ANKRD36: variants seen among roughly 807,000 people sequenced by gnomAD.
The protein encoded by ANKRD36 is ankyrin repeat domain-containing protein 36A.
A neutral mutation model predicts 278.1 loss-of-function variants in ANKRD36; 179 were observed. That is an observed-to-expected ratio of 0.64 (90% CI 0.57 to 0.73). The LOEUF is 0.73. Ranked by LOEUF, ANKRD36 falls within the 30% of genes least tolerant of loss-of-function variation. The pLI is 0.00. For synonymous variants in ANKRD36, 320 were observed against 641.1 expected, an observed-to-expected ratio of 0.50 and a Z score of 7.57; for missense variants, 1,159 against 1,956.7, an observed-to-expected ratio of 0.59 and a Z score of 7.69.
intron 44 of ANKRD36, among the ~76,000 whole-genome samples, chr2:97,199,818 G>C (rs1298330204): frequency 3.9e-5 from 6 of 151,902 alleles, no homozygotes; most frequent in Non-Finnish European, 8.8e-5. Context: ...ATCAATTCAG[G>C]ACACTTGCAC....
chr2:97,179,789 G>A (rs1212788835), intron 23 of ANKRD36, 23 bp downstream of exon 23: 31 of 1,595,642 alleles, frequency 1.9e-5, no homozygotes, highest in African/African-American at 4.0e-5. Context: ...TCATTTATAT[G>A]TTGAACTATT....
rs536292615 is a variant in ANKRD36, at chr2:97,233,500, C to G, written c.3952-230C>G. The stretch of plus-strand genomic sequence containing the variant: ...TCTTTGTTCCTTAATTAACCCAAGT[C>G]TCTCTGTCAGTTTTCTAAATAGCAC... On this transcript the variant is annotated intron_variant, in intron 67 of 75. Coordinates refer to ENST00000420699, the MANE Select transcript of ANKRD36 (RefSeq NM_001354587.1). Among the ~76,000 whole-genome samples, 20 of 152,108 alleles carry G rather than the reference C, an allele frequency of 1.3e-4. 2 individuals carry two copies. The East Asian group carries it at 3.5e-3, about 27-fold the overall frequency.
At chr2:97,207,492 A>G (rs1397917076) in intron 52 of ANKRD36, among the ~76,000 whole-genome samples, 1 of 151,510 alleles carries the variant, frequency 6.6e-6, no homozygotes, top group East Asian at 1.9e-4. Flanking sequence ...CAGGTGTATG[A>G]GTTGCTCCTC....
At chr2:97,198,352 C>G (rs376040297) in intron 42 of ANKRD36, 111 bp from the exon 43 acceptor site, 1 of 1,534,428 alleles carries the variant, frequency 6.5e-7, no homozygotes, top group Admixed American at 2.0e-5. Flanking sequence ...GCCATCAAAG[C>G]GTACACTAAT....
chr2:97,154,717 G>T lies in ANKRD36; in HGVS notation c.1236G>T (p.Lys412Asn). ...ACCGTTTTGCACAGCCTGTGACAAAGGATAAGTTTGCTTTGGAATCTGAGG... is the reference window on the plus strand; with the variant it reads ...ACCGTTTTGCACAGCCTGTGACAAATGATAAGTTTGCTTTGGAATCTGAGG... ...LLDRFAQPVT[K>N]DKFALESENI... Residue 412 changes from lysine to asparagine, a missense_variant, in exon 15 of 76, where the codon AAG (lysine) becomes AAT (asparagine). By Grantham distance (94) the Lys-to-Asn change is moderately conservative. Transcript: ENST00000420699. 1 of 1,488,318 alleles carries T rather than the reference G, an allele frequency of 6.7e-7. No homozygotes were observed. The allele number at this position is 1,488,318 out of a possible 1,614,324, so 92.2% of individuals were successfully genotyped here. A position where few individuals can be genotyped will look rare whatever the true frequency, so the allele number is the denominator to read the frequency against.
intron 32 of ANKRD36, 103 bp downstream of exon 32, chr2:97,187,504 G>T (rs926800968): frequency 2.9e-6 from 4 of 1,371,772 alleles, no homozygotes; most frequent in African/African-American, 1.5e-5. Context: ...GCTCGCCGAA[G>T]CTGCACATTC....
rs1450512806 is a variant in ANKRD36, at chr2:97,205,969, G to A, written c.3090+1G>A. The A allele has an allele frequency of 1.3e-6, 2 of 1,555,538 alleles. No individual in the cohort carries two copies. Among genetic ancestry groups the A allele is most frequent in the East Asian group, 2.4e-5 (1 of 42,240 alleles). On this transcript the variant is annotated splice_donor_variant, in intron 51 of 75. Transcript: ENST00000420699. LOFTEE classifies it high-confidence loss of function. ...TTCTCAGAAACCACCAACCTTGAAG[G>A]TAATGAAACTCCCATTTATATTGTG...
chr2:97,225,785 C>G (rs1299906898), intron 67 of ANKRD36, among the ~76,000 whole-genome samples: 35 of 149,550 alleles, frequency 2.3e-4, no homozygotes, highest in African/African-American at 7.9e-4. Context: ...CTCCCCCAAC[C>G]CCACAACAGT....
intron 48 of ANKRD36, 145 bp from the exon 49 acceptor site, chr2:97,203,923 C>T: frequency 7.5e-7 from 1 of 1,334,092 alleles, no homozygotes; most frequent in Non-Finnish European, 1.0e-6. Context: ...CTGTCACGTT[C>T]TAATCCCCAG....
chr2:97,144,238 G>A (rs1391683698), intron 8 of ANKRD36, among the ~76,000 whole-genome samples: 1 of 152,162 alleles, frequency 6.6e-6, no homozygotes, highest in Admixed American at 6.6e-5. Flanking sequence ...CTCATCACTC[G>A]GCATATCCAC....
At chr2:97,211,435 C>G in intron 56 of ANKRD36, 111 bp from the exon 57 acceptor site, 1 of 1,493,452 alleles carries the variant, frequency 6.7e-7, no homozygotes, top group East Asian at 2.5e-5. Flanking sequence ...GCCGTCAAGG[C>G]CTACACTAAT....
At chr2:97,180,971 C>T (rs899444068) in intron 24 of ANKRD36, among the ~76,000 whole-genome samples, 5 of 151,624 alleles carry the variant, frequency 3.3e-5, no homozygotes, top group African/African-American at 1.2e-4. Flanking sequence ...GATGAAGAAA[C>T]TTTCAGAAGG....
chr2:97,154,674 G>T lies in ANKRD36; in HGVS notation c.1194-1G>T, dbSNP rs2047022181. 2 of 1,485,104 alleles carry T rather than the reference G, an allele frequency of 1.3e-6. 1 individual carries two copies. Among genetic ancestry groups the T allele is most frequent in the Non-Finnish European group, 1.8e-6 (2 of 1,104,664 alleles). 92.0% of individuals were successfully genotyped at this position (1,485,104 alleles called of 1,614,324 possible). A position where few individuals can be genotyped will look rare whatever the true frequency, so the allele number is the denominator to read the frequency against. On this transcript the variant is annotated splice_acceptor_variant, in intron 14 of 75. Coordinates refer to ENST00000420699, the MANE Select transcript of ANKRD36 (RefSeq NM_001354587.1). LOFTEE classifies it high-confidence loss of function. The stretch of plus-strand genomic sequence containing the variant: ...TTTTGTAATATCTTTTTGCTCTGTA[G>T]GTGTCTCTACCTACTGGACCGTTTT...
In ANKRD36 at chr2:97,149,355, A is replaced by C. The variant is rs1315591032; in HGVS notation, c.1095A>C (p.Glu365Asp). The C allele has an allele frequency of 6.5e-7, 1 of 1,532,786 alleles. No homozygotes were observed. Among genetic ancestry groups the C allele is most frequent in the African/African-American group, 1.4e-5 (1 of 72,890 alleles). The allele number at this position is 1,532,786 out of a possible 1,614,324, so 94.9% of individuals were successfully genotyped here. The stretch of plus-strand genomic sequence containing the variant: ...TGACAGAGAATGAGTTTTCTTTGGA[A>C]TCTGAGGTAGAGTACTCTCTTGTGA... ...QPVTENEFSL[E>D]SEIISKLYIP... is the part of the protein sequence containing the mutation. Residue 365 changes from glutamate (E) to aspartate (D), a missense_variant, in exon 12 of 76, where the codon GAA (glutamate) becomes GAC (aspartate). Physicochemically the swap from Glu to Asp is conservative, Grantham distance 45. Coordinates refer to ENST00000420699, the MANE Select transcript of ANKRD36 (RefSeq NM_001354587.1).
At chr2:97,222,906 G>C (rs1479220358) in intron 66 of ANKRD36, among the ~76,000 whole-genome samples, 3 of 152,014 alleles carry the variant, frequency 2.0e-5, no homozygotes, top group Non-Finnish European at 4.4e-5. Flanking sequence ...GTGCCTTAGA[G>C]ATTAGCATGG....
intron 50 of ANKRD36, among the ~76,000 whole-genome samples, chr2:97,204,540 G>A (rs1472101122): frequency 2.0e-5 from 3 of 151,306 alleles, no homozygotes; most frequent in East Asian, 2.0e-4. Flanking sequence ...ACATAATTTT[G>A]CTTTAATTCT....
At position 97,189,140 on chromosome 2, in the gene ANKRD36, T is replaced by G; in HGVS notation, c.2172+25T>G. On this transcript the variant is annotated intron_variant, in intron 33 of 75. Transcript: ENST00000420699. ...GGTAATTAAACTCTCGTTTACATTG[T>G]GAACTAGTAATTCTATAGTCTATGA... is the stretch of plus-strand genomic sequence containing the variant. The G allele has an allele frequency of 7.9e-6, 6 of 757,348 alleles. 2 individuals carry two copies. The highest frequency in any genetic ancestry group is 7.6e-5 in the South Asian group (6 of 78,654). 46.9% of individuals were successfully genotyped at this position (757,348 alleles called of 1,614,324 possible).
Position 97,136,717 on chromosome 2 carries a change from A to C in ANKRD36, c.800-5923A>C, listed in dbSNP as rs2041603937. 2.0e-5 allele frequency among the ~76,000 whole-genome samples: 3 copies of C among 151,854 alleles called. No individual in the cohort carries two copies. In the South Asian group the frequency reaches 6.3e-4, roughly 32 times the overall value. ...GTGAGAGAAGAGGAACATCATGTTG[A>C]ATATGTGTTTTCTACACATACAGCA... On this transcript the variant is annotated intron_variant, in intron 6 of 75. Coordinates refer to ENST00000420699, the MANE Select transcript of ANKRD36 (RefSeq NM_001354587.1).
At chr2:97,200,006 C>G (rs1177670890) in intron 44 of ANKRD36, among the ~76,000 whole-genome samples, 8 of 151,862 alleles carry the variant, frequency 5.3e-5, no homozygotes, top group Non-Finnish European at 8.8e-5. Flanking sequence ...TTGATTCTCA[C>G]GTATATGAGT....
Sources: allele counts gnomAD v4.1 joint callset (sites outside exome capture counted in the v4.1 genomes callset), GRCh38; gene constraint gnomAD v4.1.1; transcripts MANE v1.5; gene names NCBI Gene and HGNC (gene_info 2026-07-23, HGNC 2026-07-21).